KCNIP4: variants seen among roughly 807,000 people sequenced by gnomAD.
KCNIP4 encodes potassium voltage-gated channel interacting protein 4.
A neutral mutation model predicts 34.0 loss-of-function variants in KCNIP4; 12 were observed. That is an observed-to-expected ratio of 0.35 (90% CI 0.23 to 0.57). The LOEUF (loss-of-function observed/expected upper bound fraction) is 0.57. Among genes scored for constraint, KCNIP4 ranks in the 20% least tolerant of loss-of-function variants. The probability of loss-of-function intolerance (pLI) is 0.83; values close to 1 mark genes in which losing one functional copy is unlikely to be tolerated. For missense variants in KCNIP4, 238 were observed against 311.7 expected, an observed-to-expected ratio of 0.76 and a Z score of 1.78; for synonymous variants, 124 against 102.2, an observed-to-expected ratio of 1.21 and a Z score of -1.29.
chr4:21,845,202 G>C (rs899390400), intron 1 of KCNIP4: 1 of 152,012 alleles, frequency 6.6e-6, no homozygotes, highest in Non-Finnish European at 1.5e-5. Context: ...CTTCTGTAAA[G>C]GACCAGTACA....
chr4:20,957,456 A>G (rs953191407), intron 1 of KCNIP4, among the ~76,000 whole-genome samples: 2 of 152,184 alleles, frequency 1.3e-5, no homozygotes, highest in Non-Finnish European at 2.9e-5. Context: ...CAAGACATAC[A>G]GCTTGTTAAG....
chr4:21,688,620 T>TCTGAA (rs1410582651), intron 1 of KCNIP4, among the ~76,000 whole-genome samples: 2 of 152,042 alleles, frequency 1.3e-5, no homozygotes, highest in African/African-American at 4.8e-5. Flanking sequence ...GAAAATAGGA[T>TCTGAA]CTGAACAGGT....
intron 1 of KCNIP4, among the ~76,000 whole-genome samples, chr4:21,703,672 G>A (rs1367452305): frequency 6.6e-6 from 1 of 152,038 alleles, no homozygotes; most frequent in Admixed American, 6.6e-5. Context: ...AAATACTTTG[G>A]TGTGTGTCAA....
chr4:20,745,282 G>A (rs1752179546), intron 5 of KCNIP4, among the ~76,000 whole-genome samples: 1 of 152,042 alleles, frequency 6.6e-6, no homozygotes, highest in African/African-American at 2.4e-5. Flanking sequence ...TTCACATGGT[G>A]ACATCTAATT....
intron 1 of KCNIP4, among the ~76,000 whole-genome samples, chr4:21,706,875 T>C (rs1303917960): frequency 6.6e-6 from 1 of 151,852 alleles, no homozygotes. Context: ...AGCAGAGCCT[T>C]GCGGCAAAGT....
At chr4:21,448,386 GCAATC>G (rs1465511652) in intron 1 of KCNIP4, among the ~76,000 whole-genome samples, 2 of 152,080 alleles carry the variant, frequency 1.3e-5, no homozygotes, top group Non-Finnish European at 2.9e-5. Flanking sequence ...TGGAGGAAAG[GCAATC>G]CACGTTTTAC....
rs201730191 is a variant in KCNIP4, at chr4:21,836,914, A to AT, written c.61+111656dup. On this transcript the variant is annotated intron_variant, in intron 1 of 8. Coordinates refer to ENST00000382152, the MANE Select transcript of KCNIP4 (RefSeq NM_025221.6). ...TGGAAGCTCAAAAAAGCTGGGATAAATTTTTTTTTTTTTTTTTTTTTGAGA... is the reference window on the plus strand; with the variant it reads ...TGGAAGCTCAAAAAAGCTGGGATAAATTTTTTTTTTTTTTTTTTTTTTGAGA... Among the ~76,000 whole-genome samples, 91 of 123,542 alleles carry AT rather than the reference A, an allele frequency of 7.4e-4. 3 individuals carry two copies. The highest frequency in any genetic ancestry group is 1.6e-3 in the African/African-American group (49 of 29,960). The allele number at this position is 123,542 out of a possible 152,430, so 81.0% of individuals were successfully genotyped here. A position where few individuals can be genotyped will look rare whatever the true frequency, so the allele number is the denominator to read the frequency against.
At chr4:21,119,489 T>C (rs1284645772) in intron 1 of KCNIP4, among the ~76,000 whole-genome samples, 1 of 147,584 alleles carries the variant, frequency 6.8e-6, no homozygotes, top group African/African-American at 2.5e-5. Context: ...CTTTCTACAT[T>C]TGTTGCTGAG....
At chr4:21,437,777 A>T (rs1016390315) in intron 1 of KCNIP4, among the ~76,000 whole-genome samples, 1 of 152,180 alleles carries the variant, frequency 6.6e-6, no homozygotes, top group Non-Finnish European at 1.5e-5. Context: ...GGGCTGATAC[A>T]TCTCTTACTT....
chr4:21,140,925 A>G (rs752699466), intron 1 of KCNIP4, among the ~76,000 whole-genome samples: 1 of 152,188 alleles, frequency 6.6e-6, no homozygotes, highest in African/African-American at 2.4e-5. Context: ...GCTAGCATGC[A>G]TTATCTGGGA....
chr4:21,556,404 T>C (rs1421839692), intron 1 of KCNIP4, among the ~76,000 whole-genome samples: 1 of 152,130 alleles, frequency 6.6e-6, no homozygotes, highest in Admixed American at 6.5e-5. Context: ...TTTTCAGAGA[T>C]GAACAACAAA....
At chr4:21,456,051 C>T (rs1728931061) in intron 1 of KCNIP4, among the ~76,000 whole-genome samples, 1 of 145,778 alleles carries the variant, frequency 6.9e-6, no homozygotes. Flanking sequence ...TTATCTGTTG[C>T]TTAATACGAA....
intron 1 of KCNIP4, among the ~76,000 whole-genome samples, chr4:21,289,175 TA>T (rs1433274466): frequency 6.6e-6 from 1 of 152,208 alleles, no homozygotes. Context: ...TTATTAAGGA[TA>T]CATAATGGGT....
At chr4:20,735,516 G>C (rs1296712390) in intron 5 of KCNIP4, among the ~76,000 whole-genome samples, 1 of 134,742 alleles carries the variant, frequency 7.4e-6, no homozygotes, top group East Asian at 2.4e-4. Context: ...AATTCATTTA[G>C]TGTTTTTTTT....
intron 1 of KCNIP4, among the ~76,000 whole-genome samples, chr4:21,817,583 C>T (rs2109282115): frequency 6.6e-6 from 1 of 152,210 alleles, no homozygotes; most frequent in East Asian, 1.9e-4. Flanking sequence ...GAAGATATTG[C>T]TAAATTCTTT....
intron 1 of KCNIP4, among the ~76,000 whole-genome samples, chr4:21,711,212 G>A (rs769966450): frequency 1.2e-4 from 18 of 152,274 alleles, no homozygotes; most frequent in Non-Finnish European, 2.1e-4. Flanking sequence ...AGTGGCTCAC[G>A]CCTGTAATCC....
At chr4:21,657,330 T>C (rs1473323295) in intron 1 of KCNIP4, among the ~76,000 whole-genome samples, 1 of 152,214 alleles carries the variant, frequency 6.6e-6, no homozygotes, top group African/African-American at 2.4e-5. Context: ...CCATGTCTTT[T>C]TGTGATTACA....
chr4:21,111,904 C>T (rs1373042775), intron 1 of KCNIP4, among the ~76,000 whole-genome samples: 1 of 152,188 alleles, frequency 6.6e-6, no homozygotes, highest in African/African-American at 2.4e-5. Flanking sequence ...AAAAGAGGAA[C>T]ATGCTAATCC....
At chr4:20,737,251 A>G (rs1427476724) in intron 5 of KCNIP4, among the ~76,000 whole-genome samples, 1 of 151,988 alleles carries the variant, frequency 6.6e-6, no homozygotes, top group Non-Finnish European at 1.5e-5. Flanking sequence ...TAAAGAAGTG[A>G]GTCAGGAGAA....
Sources: allele counts gnomAD v4.1 joint callset (sites outside exome capture counted in the v4.1 genomes callset), GRCh38; gene constraint gnomAD v4.1.1; transcripts MANE v1.5; gene names NCBI Gene and HGNC (gene_info 2026-07-23, HGNC 2026-07-21).